Variants in PSMA8 observed in about 807,000 individuals in gnomAD.
PSMA8 encodes proteasome subunit alpha-type 8.
Under a neutral mutation model 32.4 loss-of-function variants are expected in PSMA8, and 18 were observed. That is an observed-to-expected ratio of 0.56 (90% CI 0.38 to 0.82). The LOEUF is 0.82. Ranked by LOEUF, PSMA8 falls within the 40% of genes least tolerant of loss-of-function variation. The pLI, the probability that PSMA8 is intolerant of heterozygous loss-of-function variation, is 0.00. For synonymous variants in PSMA8, 104 were observed against 98.1 expected (o/e 1.06, Z -0.36); for missense variants, 298 against 300.7 (o/e 0.99, Z 0.07).
chr18:26,142,410 T>G (rs1430989523), intron 1 of PSMA8, among the ~76,000 whole-genome samples: 1 of 152,154 alleles, frequency 6.6e-6, no homozygotes. Context: ...ATGTCAAAAT[T>G]TTTAGATTAC....
intron 3 of PSMA8, among the ~76,000 whole-genome samples, chr18:26,153,384 G>T (rs2055061746): frequency 6.6e-6 from 1 of 151,790 alleles, no homozygotes; most frequent in Non-Finnish European, 1.5e-5. Context: ...AATTGTAATT[G>T]GTTTTCAGAT....
intron 2 of PSMA8, 74 bp downstream of exon 2, chr18:26,144,759 A>G: frequency 7.3e-7 from 1 of 1,375,528 alleles, no homozygotes; most frequent in Non-Finnish European, 1.0e-6. Context: ...TCAGTGCTGC[A>G]GTTGTGCTAT....
intron 2 of PSMA8, among the ~76,000 whole-genome samples, chr18:26,151,190 G>T (rs2055042606): frequency 6.6e-6 from 1 of 152,204 alleles, no homozygotes; most frequent in East Asian, 1.9e-4. Context: ...CAGTGATTTT[G>T]TTAGAAATGA....
At chr18:26,149,154 T>A (rs2055026086) in intron 2 of PSMA8, among the ~76,000 whole-genome samples, 1 of 152,202 alleles carries the variant, frequency 6.6e-6, no homozygotes. Context: ...AAATCATTTC[T>A]ATGTACTGAC....
intron 4 of PSMA8, among the ~76,000 whole-genome samples, chr18:26,162,547 A>AT (rs1282332004): frequency 6.6e-6 from 1 of 152,194 alleles, no homozygotes; most frequent in Non-Finnish European, 1.5e-5. Context: ...GATTATTAAC[A>AT]TTTTTAATGC....
intron 4 of PSMA8, among the ~76,000 whole-genome samples, chr18:26,172,443 CAAA>C (rs2055230056): frequency 6.6e-6 from 1 of 152,078 alleles, no homozygotes; most frequent in South Asian, 2.1e-4. Context: ...TCTTTGTTTA[CAAA>C]AACAGGGAAC....
At chr18:26,140,288 G>A (rs970552699) in intron 1 of PSMA8, among the ~76,000 whole-genome samples, 1 of 152,196 alleles carries the variant, frequency 6.6e-6, no homozygotes, top group Non-Finnish European at 1.5e-5. Context: ...ACTGGGGTGG[G>A]CCTGGAACCT....
At chr18:26,181,408 T>C (rs2055310147) in intron 6 of PSMA8, among the ~76,000 whole-genome samples, 3 of 152,260 alleles carry the variant, frequency 2.0e-5, no homozygotes, top group Non-Finnish European at 4.4e-5. Flanking sequence ...AGGCCTCCTA[T>C]TGCCTGAGGC....
At chr18:26,182,696 G>A (rs1419858423) in intron 6 of PSMA8, among the ~76,000 whole-genome samples, 1 of 152,212 alleles carries the variant, frequency 6.6e-6, no homozygotes, top group East Asian at 1.9e-4. Context: ...CAGGCATAGT[G>A]GCTCACACCT....
intron 1 of PSMA8, among the ~76,000 whole-genome samples, chr18:26,142,200 C>T (rs546277709): frequency 3.3e-5 from 5 of 151,996 alleles, no homozygotes; most frequent in South Asian, 4.2e-4. Context: ...CCACCACGCC[C>T]GGCTGATTTT....
At chr18:26,173,410 C>T (rs1033276587) in intron 4 of PSMA8, among the ~76,000 whole-genome samples, 1 of 152,178 alleles carries the variant, frequency 6.6e-6, no homozygotes, top group Non-Finnish European at 1.5e-5. Context: ...GTAGCCCATT[C>T]TCAATGCTCT....
chr18:26,147,374 T>C (rs995226420), intron 2 of PSMA8, among the ~76,000 whole-genome samples: 2 of 151,050 alleles, frequency 1.3e-5, no homozygotes, highest in African/African-American at 4.9e-5. Context: ...ATGAAAAAAA[T>C]CACAAGGGAA....
In PSMA8 at chr18:26,133,984, A is replaced by T. The variant is rs371585912; in HGVS notation, c.19A>T (p.Arg7Trp). 5.0e-5 allele frequency: 81 copies of T among 1,613,826 alleles called. No homozygotes were observed. Among genetic ancestry groups the T allele is most frequent in the Middle Eastern group, 1.6e-4 (1 of 6,082 alleles). Residue 7 changes from arginine to tryptophan, a missense_variant, in exon 1 of 7, where the codon AGG becomes TGG. Transcript: ENST00000415576. MASRYDRAITVFSPDGH... is the reference protein window; with the variant it reads MASRYDWAITVFSPDGH... ...CTGTGCGATGGCGTCTCGATATGAC[A>T]GGGCGATCACTGTCTTCTCCCCAGA...
At chr18:26,154,580 C>T (rs556056931) in intron 3 of PSMA8, among the ~76,000 whole-genome samples, 29 of 151,862 alleles carry the variant, frequency 1.9e-4, no homozygotes, top group Non-Finnish European at 2.6e-4. Context: ...ATCTCATATG[C>T]ACCTTTTGTA....
intron 2 of PSMA8, among the ~76,000 whole-genome samples, chr18:26,148,952 C>A (rs2055024823): frequency 6.6e-6 from 1 of 152,056 alleles, no homozygotes; most frequent in Non-Finnish European, 1.5e-5. Context: ...GCTCAAGCAA[C>A]CCTCCCACCT....
chr18:26,176,555 A>G (rs889638464), intron 4 of PSMA8, among the ~76,000 whole-genome samples: 2 of 152,246 alleles, frequency 1.3e-5, no homozygotes, highest in Non-Finnish European at 2.9e-5. Context: ...AGAATAGTAT[A>G]TTGTTATATA....
In PSMA8 at chr18:26,185,560, T is replaced by A. The variant is rs1039847776; in HGVS notation, c.660+6430T>A. On this transcript the variant is annotated intron_variant, in intron 6 of 6. Transcript: ENST00000415576. ...TGTAAGTCCTTCCCTTCAATCTGAT[T>A]GGAAGACTGAAGACATCCTTAGAAC... 6.6e-5 allele frequency among the ~76,000 whole-genome samples: 10 copies of A among 150,792 alleles called. 2 individuals carry two copies. Among genetic ancestry groups the A allele is most frequent in the African/African-American group, 2.4e-4 (10 of 40,844 alleles).
At position 26,155,140 on chromosome 18, in the gene PSMA8, CAGG is replaced by C. The variant is rs377367766; in HGVS notation, c.355-2979_355-2977del. On this transcript the variant is annotated intron_variant, in intron 3 of 6. Coordinates refer to ENST00000415576, the MANE Select transcript of PSMA8 (RefSeq NM_001025096.2). ...ACCCCAGCTACTTGGAAGGCTGAGG[CAGG>C]AGAATTGCTTGAACCCAGGAGACGG... 5.1e-3 allele frequency among the ~76,000 whole-genome samples: 783 copies of C among 152,056 alleles called. 6 individuals are homozygous for C. The highest frequency in any genetic ancestry group is 0.018 in the African/African-American group (738 of 41,472).
In PSMA8 at chr18:26,143,782, C is replaced by T. The variant is rs543812276; in HGVS notation, c.103-777C>T. On this transcript the variant is annotated intron_variant, in intron 1 of 6. Coordinates refer to ENST00000415576, the MANE Select transcript of PSMA8 (RefSeq NM_001025096.2). ...TGTTGCCCAGGCTGGAGTGCAGTGG[C>T]GCAATCTCTGCTTACTGCAAGCTCT... Among the ~76,000 whole-genome samples the T allele has an allele frequency of 9.9e-5, 15 of 152,070 alleles. No individual in the cohort carries two copies. The South Asian group carries it at 1.2e-3, about 13-fold the overall frequency.
Sources: gnomAD v4.1 joint callset for allele counts (sites outside exome capture counted in the v4.1 genomes callset) on GRCh38, gnomAD v4.1.1 for gene constraint, MANE v1.5 for transcripts, NCBI Gene and HGNC (gene_info 2026-07-23, HGNC 2026-07-21) for gene names.